Variants in CSTA observed in about 807,000 individuals in gnomAD.
The protein encoded by CSTA is cystatin-A.
In CSTA, 9 loss-of-function variants were observed where a neutral mutation model predicts 9.2. The observed-to-expected ratio is 0.97, with a 90% CI of 0.59 to 1.70. CSTA has a LOEUF of 1.70. Among genes scored for constraint, CSTA ranks in the 40% most tolerant of loss-of-function variants. The pLI is 0.00. For synonymous variants in CSTA, 36 were observed against 40.6 expected (o/e 0.89, Z 0.43); for missense variants, 118 against 113.1 (o/e 1.04, Z -0.20).
At chr3:122,328,947 T>TA (rs199513397) in intron 1 of CSTA, among the ~76,000 whole-genome samples, 161 of 148,664 alleles carry the variant, frequency 1.1e-3, no homozygotes, top group African/African-American at 1.8e-3. Context: ...TTTCAAAAAG[T>TA]AAAAAAAAAT....
chr3:122,339,843 C>G (rs144160837), intron 2 of CSTA, among the ~76,000 whole-genome samples: 41 of 152,188 alleles, frequency 2.7e-4, no homozygotes, highest in African/African-American at 9.9e-4. Flanking sequence ...CCTCATTCCC[C>G]GATCAGTACC....
intron 2 of CSTA, among the ~76,000 whole-genome samples, chr3:122,340,356 G>C (rs953934135): frequency 3.3e-5 from 5 of 151,882 alleles, no homozygotes; most frequent in African/African-American, 1.2e-4. Context: ...TCAGGCTGGA[G>C]TGCAGTGGCA....
At chr3:122,327,486 A>ATG (rs2075177644) in intron 1 of CSTA, among the ~76,000 whole-genome samples, 1 of 133,862 alleles carries the variant, frequency 7.5e-6, no homozygotes, top group African/African-American at 2.7e-5. Context: ...CCGAGATTGC[A>ATG]CCACTGCACT....
rs766288534 is a variant in CSTA at position 122,341,565 on chromosome 3, T to A, written c.295T>A (p.Ter99LysextTer8). ...KNKDDELTGF[*>K] The stretch of plus-strand genomic sequence containing the variant: ...CAAGGATGACGAGCTGACGGGCTTT[T>A]AGCAGCATGTACCCAAAGTGTTCTG... The change falls in exon 3 of 3, where the codon TAG becomes AAG. Residue 99 changes from the stop codon to lysine, a stop_lost. Transcript: ENST00000264474. The A allele has an allele frequency of 6.2e-7, 1 of 1,614,170 alleles. No homozygotes were observed. Among genetic ancestry groups the A allele is most frequent in the South Asian group, 1.1e-5 (1 of 91,082 alleles).
chr3:122,341,245 C>G (rs1559983525), intron 2 of CSTA, among the ~76,000 whole-genome samples, 194 bp from the exon 3 acceptor site: 2 of 152,082 alleles, frequency 1.3e-5, no homozygotes, highest in Admixed American at 1.3e-4. Context: ...CCAGCCTAGT[C>G]TGCTCTTTTT....
chr3:122,328,432 G>A (rs942909920), intron 1 of CSTA, among the ~76,000 whole-genome samples: 27 of 150,420 alleles, frequency 1.8e-4, no homozygotes, highest in African/African-American at 6.4e-4. Flanking sequence ...CCCGGGAGGC[G>A]GAGGCCACAG....
chr3:122,331,252 T>C (rs1259979097), intron 1 of CSTA, among the ~76,000 whole-genome samples: 3 of 152,076 alleles, frequency 2.0e-5, no homozygotes, highest in Non-Finnish European at 1.5e-5. Flanking sequence ...CATACCATCC[T>C]GGGCACACCC....
intron 1 of CSTA, among the ~76,000 whole-genome samples, chr3:122,326,247 T>C (rs2075170186): frequency 6.6e-6 from 1 of 152,226 alleles, no homozygotes; most frequent in Non-Finnish European, 1.5e-5. Context: ...GCTAGACTGG[T>C]CTTGAATTCC....
intron 1 of CSTA, among the ~76,000 whole-genome samples, chr3:122,331,459 C>G (rs9814414): frequency 0.078 from 11,908 of 152,168 alleles, 756 homozygotes; most frequent in African/African-American, 0.17. Context: ...TCTCATCCAG[C>G]CTGGACCCCA....
intron 1 of CSTA, among the ~76,000 whole-genome samples, chr3:122,330,310 T>G (rs374525010): frequency 6.6e-6 from 1 of 152,234 alleles, no homozygotes; most frequent in Admixed American, 6.5e-5. Flanking sequence ...TCAGCTTTCC[T>G]TGGACTTCTC....
intron 1 of CSTA, among the ~76,000 whole-genome samples, chr3:122,336,321 G>A (rs1320068704): frequency 1.3e-5 from 2 of 152,172 alleles, no homozygotes; most frequent in East Asian, 3.8e-4. Context: ...AAGTAAGGAA[G>A]TGCTTATAAA....
intron 1 of CSTA, among the ~76,000 whole-genome samples, chr3:122,332,043 C>A (rs890143280): frequency 1.3e-5 from 2 of 152,212 alleles, no homozygotes; most frequent in African/African-American, 4.8e-5. Flanking sequence ...GCTAATCTGA[C>A]AGGAGGCGGA....
chr3:122,327,940 G>A (rs2075180044), intron 1 of CSTA, among the ~76,000 whole-genome samples: 1 of 152,130 alleles, frequency 6.6e-6, no homozygotes, highest in African/African-American at 2.4e-5. Flanking sequence ...ACCTATCTGT[G>A]AGCCCCATCT....
chr3:122,337,654 A>C lies in CSTA; in HGVS notation c.168+6A>C. 6.5e-7 allele frequency: 1 copy of C among 1,539,414 alleles called. No individual in the cohort carries two copies. Among genetic ancestry groups the C allele is most frequent in the Non-Finnish European group, 9.0e-7 (1 of 1,111,516 alleles). On this transcript the variant is annotated splice_donor_region_variant and intron_variant, in intron 2 of 2. Coordinates refer to ENST00000264474, the MANE Select transcript of CSTA (RefSeq NM_005213.4). ...GAACAAATTACTACATTAAGGTTAG[A>C]GTTCAGCACCTACTTTAGCGCCAAA...
At chr3:122,327,159 GC>G (rs1361291205) in intron 1 of CSTA, among the ~76,000 whole-genome samples, 1 of 150,956 alleles carries the variant, frequency 6.6e-6, no homozygotes, top group Admixed American at 6.6e-5. Context: ...AATTACTTGA[GC>G]CCAGGATGCA....
chr3:122,327,255 C>T (rs189163759), intron 1 of CSTA, among the ~76,000 whole-genome samples: 8,522 of 149,946 alleles, frequency 0.057, 304 homozygotes, highest in African/African-American at 0.094. Context: ...AAGGGCCAGG[C>T]GCAGTGGCTC....
chr3:122,341,441 A>G lies in CSTA; in HGVS notation c.171A>G (p.Val57=), dbSNP rs2075264574. The G allele has an allele frequency of 6.2e-7, 1 of 1,613,926 alleles. No homozygotes were observed. Among genetic ancestry groups the G allele is most frequent in the Non-Finnish European group, 8.5e-7 (1 of 1,179,856 alleles). ...VVAGTNYYIK[V]RAGDNKYMHL... is the part of the protein sequence containing the mutation. The stretch of plus-strand genomic sequence containing the variant: ...TCTCTTTCTTTAATATTTTTCAGGT[A>G]CGAGCAGGTGATAATAAATATATGC... Residue 57 remains valine (V), a splice_region_variant and synonymous_variant, in exon 3 of 3, where the codon GTA becomes GTG. Transcript: ENST00000264474.
At chr3:122,328,039 G>A (rs984689858) in intron 1 of CSTA, among the ~76,000 whole-genome samples, 1 of 152,160 alleles carries the variant, frequency 6.6e-6, no homozygotes, top group Non-Finnish European at 1.5e-5. Context: ...GGTAGAATGA[G>A]AGATAAGTAT....
intron 1 of CSTA, among the ~76,000 whole-genome samples, chr3:122,334,558 G>C (rs1321746581): frequency 6.6e-6 from 1 of 152,142 alleles, no homozygotes; most frequent in African/African-American, 2.4e-5. Flanking sequence ...TGGACTGGAG[G>C]CCTGATTGAA....
Sources: gnomAD v4.1 joint callset for allele counts (sites outside exome capture counted in the v4.1 genomes callset) on GRCh38, gnomAD v4.1.1 for gene constraint, MANE v1.5 for transcripts, NCBI Gene and HGNC (gene_info 2026-07-23, HGNC 2026-07-21) for gene names.